The following TIAM2 variants were observed in gnomAD, a reference collection of about 807,000 sequenced individuals.
The protein encoded by TIAM2 is rho guanine nucleotide exchange factor TIAM2.
Under a neutral mutation model 152.9 loss-of-function variants are expected in TIAM2, and 80 were observed. That is an observed-to-expected ratio of 0.52 (90% CI 0.44 to 0.63). TIAM2 has a LOEUF of 0.63. TIAM2 is among the 30% of genes least tolerant of loss of function. The pLI is 0.00. For synonymous variants in TIAM2, 804 were observed against 838.0 expected, an observed-to-expected ratio of 0.96 and a Z score of 0.70; for missense variants, 1,965 against 2,120.1, an observed-to-expected ratio of 0.93 and a Z score of 1.44.
intron 1 of TIAM2, among the ~76,000 whole-genome samples, chr6:155,069,812 G>A (rs911454122): frequency 2.0e-5 from 3 of 151,940 alleles, no homozygotes; most frequent in Non-Finnish European, 4.4e-5. Flanking sequence ...AGATATTGAA[G>A]AAATAAGTTG....
In TIAM2 at chr6:155,164,516, G is replaced by T; in HGVS notation, c.2130G>T (p.Lys710Asn). 1 of 1,614,116 alleles carries T rather than the reference G, an allele frequency of 6.2e-7. No individual in the cohort carries two copies. Among genetic ancestry groups the T allele is most frequent in the Non-Finnish European group, 8.5e-7 (1 of 1,180,026 alleles). ...AAGGTGGGGAGTTACCGAACCCAAA[G>T]AGTCTCCTTGCAGCCGCCAGCCGCC... is the stretch of plus-strand genomic sequence containing the variant. ...SLQGGELPNP[K>N]SLLAAASRPS... The change falls in exon 8 of 27, where the codon AAG (lysine) becomes AAT (asparagine). Residue 710 changes from lysine to asparagine, a missense_variant. Physicochemically the swap from Lys to Asn is moderately conservative, Grantham distance 94. Coordinates refer to ENST00000682666, the MANE Select transcript of TIAM2 (RefSeq NM_012454.4).
chr6:154,996,222 G>A (rs1562508198), intron 1 of TIAM2, among the ~76,000 whole-genome samples: 1 of 152,238 alleles, frequency 6.6e-6, no homozygotes, highest in Non-Finnish European at 1.5e-5. Context: ...AACATTGCAC[G>A]AGGTATTTCT....
intron 14 of TIAM2, among the ~76,000 whole-genome samples, chr6:155,195,647 C>A (rs368490009): frequency 2.4e-4 from 34 of 138,914 alleles, no homozygotes; most frequent in African/African-American, 6.9e-4. Context: ...ATAAGTGTGA[C>A]GGAACAAAAA....
chr6:155,129,634 T>C lies in TIAM2; in HGVS notation c.411T>C (p.Leu137=). ...HITSRDCNGH[L]LNCYGRNESI... is the part of the protein sequence containing the mutation. ...CCTCCAGAGACTGCAACGGACACCTTCTCAACTGCTACGGGAGGAATGAGA... is the reference window on the plus strand; with the variant it reads ...CCTCCAGAGACTGCAACGGACACCTCCTCAACTGCTACGGGAGGAATGAGA... The change falls in exon 4 of 27, where the codon CTT becomes CTC. Residue 137 remains leucine (L), a synonymous_variant. Coordinates refer to ENST00000682666, the MANE Select transcript of TIAM2 (RefSeq NM_012454.4). This position sits in a 1 kb window ranked among gnomAD's most constrained non-coding sequence, Gnocchi z 4.8. 1 of 1,613,982 alleles carries C rather than the reference T, an allele frequency of 6.2e-7. No homozygotes were observed. The highest frequency in any genetic ancestry group is 8.5e-7 in the Non-Finnish European group (1 of 1,180,006).
intron 1 of TIAM2, among the ~76,000 whole-genome samples, chr6:155,078,327 T>C (rs910964823): frequency 6.6e-6 from 1 of 152,182 alleles, no homozygotes; most frequent in African/African-American, 2.4e-5. Flanking sequence ...ATTACAGGTG[T>C]GAGCCACTGC....
At chr6:155,181,445 T>A (rs1780900724) in intron 12 of TIAM2, among the ~76,000 whole-genome samples, 1 of 152,204 alleles carries the variant, frequency 6.6e-6, no homozygotes, top group South Asian at 2.1e-4. Flanking sequence ...TGCTGTTAAA[T>A]TTGCCTAAAT....
chr6:155,119,797 T>G (rs1779110029), intron 2 of TIAM2, among the ~76,000 whole-genome samples: 1 of 152,220 alleles, frequency 6.6e-6, no homozygotes, highest in African/African-American at 2.4e-5. Flanking sequence ...AGACATAATT[T>G]TACTTCACAA....
At chr6:155,083,385 G>A (rs1461048294) in intron 1 of TIAM2, among the ~76,000 whole-genome samples, 6 of 150,132 alleles carry the variant, frequency 4.0e-5, no homozygotes, top group African/African-American at 1.5e-4. Context: ...GAGAGAGAGA[G>A]ATGGGCAAGA....
At chr6:155,004,332 C>T (rs942571129) in intron 1 of TIAM2, among the ~76,000 whole-genome samples, 1 of 152,182 alleles carries the variant, frequency 6.6e-6, no homozygotes, top group South Asian at 2.1e-4. Flanking sequence ...AAGGCCCATA[C>T]TCTGTATGTA....
At chr6:155,181,485 AAAATTTATC>A (rs1780901846) in intron 12 of TIAM2, among the ~76,000 whole-genome samples, 2 of 152,220 alleles carry the variant, frequency 1.3e-5, no homozygotes, top group South Asian at 4.1e-4. Context: ...CATATAACAT[AAAATTTATC>A]GTCTTGACCA....
At chr6:155,114,036 A>ATATATATATATATATATAT in intron 2 of TIAM2, among the ~76,000 whole-genome samples, 12 of 34,900 alleles carry the variant, frequency 3.4e-4, no homozygotes, top group South Asian at 1.4e-3. Context: ...ATATATATAT[A>ATATATATATATATATATAT]TTTTTTTTTT....
intron 15 of TIAM2, among the ~76,000 whole-genome samples, chr6:155,240,164 A>G (rs74834621): frequency 0.051 from 7,747 of 152,290 alleles, 273 homozygotes; most frequent in East Asian, 0.19. Flanking sequence ...TGTTGAGGCC[A>G]TCTGCTCTTG....
At chr6:155,140,573 TGAGAGAGA>T (rs57939338) in intron 5 of TIAM2, among the ~76,000 whole-genome samples, 1,220 of 107,472 alleles carry the variant, frequency 0.011, 14 homozygotes, top group African/African-American at 0.029. Flanking sequence ...TGTGTGTGTG[TGAGAGAGA>T]GAGAGAGAGA....
At position 155,033,720 on chromosome 6, in the gene TIAM2, C is replaced by CTT. The variant is rs369856686; in HGVS notation, c.-209+38234_-209+38235dup. 8.3e-3 allele frequency among the ~76,000 whole-genome samples: 1,227 copies of CTT among 148,088 alleles called. 24 individuals carry two copies. Among genetic ancestry groups the CTT allele is most frequent in the African/African-American group, 0.026 (1,052 of 40,364 alleles). On this transcript the variant is annotated intron_variant, in intron 1 of 26. Transcript: ENST00000682666. ...TCTCTTGGCTTTCTTTTCTTTCTTT[C>CTT]TTTTTTTGTTTTTTGAGACAGAGTC...
chr6:154,996,278 G>GT (rs1424920451), intron 1 of TIAM2, among the ~76,000 whole-genome samples: 5 of 152,248 alleles, frequency 3.3e-5, no homozygotes, highest in East Asian at 3.9e-4. Context: ...CTTGCATGCC[G>GT]TTTTTTTAAA....
Position 155,254,260 on chromosome 6 carries a change from C to T in TIAM2, c.4314-159C>T. ...CAAAATCTTAAGAGTGATCAATTCTCACCTCCTTCTGTACGGGAGGCCACA... is the reference window on the plus strand; with the variant it reads ...CAAAATCTTAAGAGTGATCAATTCTTACCTCCTTCTGTACGGGAGGCCACA... On this transcript the variant is annotated intron_variant, in intron 25 of 26. Transcript: ENST00000682666. 3 of 1,040,710 alleles carry T rather than the reference C, an allele frequency of 2.9e-6. No homozygotes were observed. In the East Asian group the frequency reaches 7.7e-5, roughly 27 times the overall value. The allele number at this position is 1,040,710 out of a possible 1,614,324, so 64.5% of individuals were successfully genotyped here.
At chr6:155,209,536 A>T (rs1199520058) in intron 14 of TIAM2, among the ~76,000 whole-genome samples, 1 of 151,986 alleles carries the variant, frequency 6.6e-6, no homozygotes, top group African/African-American at 2.4e-5. Context: ...GCATTAGGGG[A>T]CTAGAGGAGG....
chr6:155,084,590 T>C (rs907660797), intron 1 of TIAM2, among the ~76,000 whole-genome samples: 10 of 152,128 alleles, frequency 6.6e-5, no homozygotes, highest in Non-Finnish European at 7.4e-5. Flanking sequence ...CCATTGATTT[T>C]TTTTGGTGTT....
intron 15 of TIAM2, among the ~76,000 whole-genome samples, chr6:155,212,796 C>T (rs1018562174): frequency 2.0e-5 from 3 of 152,088 alleles, no homozygotes; most frequent in African/African-American, 7.2e-5. Context: ...TCAGTGAGCG[C>T]AGTGGTGAAG....
Sources: gnomAD v4.1 joint callset for allele counts (sites outside exome capture counted in the v4.1 genomes callset) on GRCh38, gnomAD v4.1.1 for gene constraint, Gnocchi (gnomAD v3.1) non-coding constraint, MANE v1.5 for transcripts, NCBI Gene and HGNC (gene_info 2026-07-23, HGNC 2026-07-21) for gene names.